Variants in LRRTM3 observed in about 807,000 individuals in gnomAD.
The protein encoded by LRRTM3 is leucine-rich repeat transmembrane neuronal protein 3.
LRRTM3 carries 24 observed loss-of-function variants against 44.7 expected under a neutral mutation model. That is an observed-to-expected ratio of 0.54 (90% CI 0.39 to 0.76). The LOEUF (loss-of-function observed/expected upper bound fraction) is 0.76. LRRTM3 is among the 30% of genes least tolerant of loss of function. The probability of loss-of-function intolerance (pLI) is 0.00; values close to 1 mark genes in which losing one functional copy is unlikely to be tolerated. For missense variants in LRRTM3, 587 were observed against 702.2 expected (o/e 0.84, Z 1.85); for synonymous variants, 277 against 278.7 (o/e 0.99, Z 0.06).
At position 67,037,379 on chromosome 10, in the gene LRRTM3, A is replaced by G. The variant is rs1389952559; in HGVS notation, c.1537-60208A>G. Among the ~76,000 whole-genome samples, 4 of 129,170 alleles carry G rather than the reference A, an allele frequency of 3.1e-5. No homozygotes were observed. The East Asian group carries it at 8.1e-4, about 26-fold the overall frequency. The allele number at this position is 129,170 out of a possible 152,430, so 84.7% of individuals were successfully genotyped here. ...CAACAATGGAAATCTAAAAAAAAAA[A>G]AGAAAAAAGAAAAAAAAAACATAAT... is the stretch of plus-strand genomic sequence containing the variant. On this transcript the variant is annotated intron_variant, in intron 2 of 2. Transcript: ENST00000361320.
intron 2 of LRRTM3, among the ~76,000 whole-genome samples, chr10:67,048,549 C>T (rs185368141): frequency 1.3e-5 from 2 of 152,112 alleles, no homozygotes; most frequent in Non-Finnish European, 2.9e-5. Flanking sequence ...GGAAAAATAT[C>T]AAAATACCTT....
At chr10:67,094,070 A>G (rs1857822607) in intron 2 of LRRTM3, among the ~76,000 whole-genome samples, 1 of 152,004 alleles carries the variant, frequency 6.6e-6, no homozygotes, top group Non-Finnish European at 1.5e-5. Flanking sequence ...AAGCTGAGAA[A>G]GTAATCAACA....
chr10:66,957,865 G>A (rs931626932), intron 2 of LRRTM3, among the ~76,000 whole-genome samples: 1 of 151,960 alleles, frequency 6.6e-6, no homozygotes, highest in Non-Finnish European at 1.5e-5. Context: ...AGAGAAATTA[G>A]AGTTCTCCTT....
At chr10:67,071,510 TTG>T (rs10603671) in intron 2 of LRRTM3, among the ~76,000 whole-genome samples, 75,865 of 150,556 alleles carry the variant, frequency 0.5, 19,322 homozygotes, top group Middle Eastern at 0.63. Context: ...AAAGTTTTTT[TTG>T]TTTGTTTGTT....
chr10:67,035,956 T>C (rs1274726749), intron 2 of LRRTM3, among the ~76,000 whole-genome samples: 2 of 152,190 alleles, frequency 1.3e-5, no homozygotes, highest in African/African-American at 4.8e-5. Flanking sequence ...CAACTTTTCT[T>C]GCTTTTCTTT....
At chr10:67,068,211 G>A (rs539498430) in intron 2 of LRRTM3, among the ~76,000 whole-genome samples, 64 of 152,258 alleles carry the variant, frequency 4.2e-4, no homozygotes, top group African/African-American at 1.5e-3. Flanking sequence ...AAAGAAGGTG[G>A]ATTGGACCTG....
At chr10:66,938,445 A>G (rs185679611) in intron 2 of LRRTM3, among the ~76,000 whole-genome samples, 7 of 152,310 alleles carry the variant, frequency 4.6e-5, no homozygotes, top group African/African-American at 1.4e-4. Flanking sequence ...TAGAAAAATG[A>G]AAATATTATT....
chr10:67,072,924 A>G (rs2131853287), intron 2 of LRRTM3, among the ~76,000 whole-genome samples: 1 of 87,764 alleles, frequency 1.1e-5, no homozygotes, highest in Non-Finnish European at 2.2e-5. Flanking sequence ...AACACAGCAA[A>G]CATCCCTTGG....
chr10:67,010,575 T>C (rs1419202908), intron 2 of LRRTM3, among the ~76,000 whole-genome samples: 3 of 152,166 alleles, frequency 2.0e-5, no homozygotes, highest in Admixed American at 1.3e-4. Flanking sequence ...GCTACAATCA[T>C]CCTCTTTTAA....
At chr10:67,071,138 T>A (rs1393624053) in intron 2 of LRRTM3, among the ~76,000 whole-genome samples, 4 of 152,194 alleles carry the variant, frequency 2.6e-5, no homozygotes, top group Non-Finnish European at 5.9e-5. Flanking sequence ...GCATCACTCT[T>A]ATTGTTCAAT....
chr10:67,040,217 C>T (rs1854307374), intron 2 of LRRTM3, among the ~76,000 whole-genome samples: 1 of 152,126 alleles, frequency 6.6e-6, no homozygotes, highest in Non-Finnish European at 1.5e-5. Context: ...CAGGTGTTCT[C>T]TGTGAACTTG....
chr10:67,083,612 G>A (rs1176804851), intron 2 of LRRTM3, among the ~76,000 whole-genome samples: 7 of 152,068 alleles, frequency 4.6e-5, no homozygotes, highest in Admixed American at 4.6e-4. Context: ...TCAGATACTA[G>A]ACAGTGATAG....
At chr10:66,978,496 C>A in intron 2 of LRRTM3, among the ~76,000 whole-genome samples, 1 of 108,516 alleles carries the variant, frequency 9.2e-6, no homozygotes, top group African/African-American at 3.5e-5. Flanking sequence ...CACTGCACTC[C>A]AGCCTGGATG....
intron 2 of LRRTM3, among the ~76,000 whole-genome samples, chr10:67,092,318 A>T (rs192437250): frequency 1.4e-4 from 22 of 152,110 alleles, no homozygotes; most frequent in Admixed American, 1.3e-3. Flanking sequence ...ATATTTATAC[A>T]TACTAAAATC....
intron 2 of LRRTM3, among the ~76,000 whole-genome samples, chr10:67,001,469 G>C (rs1161434665): frequency 6.6e-6 from 1 of 151,742 alleles, no homozygotes; most frequent in South Asian, 2.1e-4. Context: ...AGAAGGATGG[G>C]GAAATGGGAA....
chr10:67,025,129 C>CAAAAA (rs1206262968), intron 2 of LRRTM3, among the ~76,000 whole-genome samples: 1 of 25,358 alleles, frequency 3.9e-5, no homozygotes, highest in African/African-American at 6.6e-5. Context: ...AAAACTCTGT[C>CAAAAA]AAAAACAAAA....
intron 2 of LRRTM3, among the ~76,000 whole-genome samples, chr10:66,944,527 T>G (rs754315855): frequency 1.3e-5 from 2 of 152,322 alleles, no homozygotes; most frequent in Middle Eastern, 3.4e-3. Context: ...CTTCCTCTCA[T>G]GAATCACGAA....
At chr10:67,075,507 T>TA (rs1394148029) in intron 2 of LRRTM3, among the ~76,000 whole-genome samples, 1 of 152,124 alleles carries the variant, frequency 6.6e-6, no homozygotes, top group African/African-American at 2.4e-5. Context: ...AAGTTGGAAA[T>TA]ACTTAAGATT....
intron 2 of LRRTM3, among the ~76,000 whole-genome samples, chr10:67,089,136 A>G (rs959960439): frequency 6.6e-6 from 1 of 151,992 alleles, no homozygotes; most frequent in Non-Finnish European, 1.5e-5. Context: ...AGGTTTTGCT[A>G]TCGGGAGTCC....
Sources: allele counts gnomAD v4.1 joint callset (sites outside exome capture counted in the v4.1 genomes callset), GRCh38; gene constraint gnomAD v4.1.1; transcripts MANE v1.5; gene names NCBI Gene and HGNC (gene_info 2026-07-23, HGNC 2026-07-21).